The following RAPGEF2 variants were observed in gnomAD, a reference collection of about 807,000 sequenced individuals.
The protein encoded by RAPGEF2 is PDZ domain containing guanine nucleotide exchange factor (GEF) 1.
In RAPGEF2, 54 loss-of-function variants were observed where a neutral mutation model predicts 186.7. The observed-to-expected ratio is 0.29, with a 90% CI of 0.23 to 0.36. The LOEUF is 0.36. RAPGEF2 is among the 10% of genes least tolerant of loss of function. RAPGEF2 has a pLI of 1.00. For synonymous variants in RAPGEF2, 712 were observed against 705.9 expected, an observed-to-expected ratio of 1.01 and a Z score of -0.14; for missense variants, 1,532 against 2,045.0, an observed-to-expected ratio of 0.75 and a Z score of 4.84.
Position 159,358,253 on chromosome 4 carries a change from C to T in RAPGEF2, c.*114C>T, listed in dbSNP as rs567497249. 10 of 1,000,414 alleles carry T rather than the reference C, an allele frequency of 1.0e-5. No individual in the cohort carries two copies. The South Asian group carries it at 1.6e-4, about 16-fold the overall frequency. 62.0% of individuals were successfully genotyped at this position (1,000,414 alleles called of 1,614,324 possible). The stretch of plus-strand genomic sequence containing the variant: ...CTGAGGACGGTGGACCAGTTTGCCT[C>T]CTTCCCTGCCTTAAAAGCAGCATGG... On this transcript the variant is annotated 3_prime_UTR_variant, in exon 30 of 30. Coordinates refer to ENST00000691494, the MANE Select transcript of RAPGEF2 (RefSeq NM_001394067.2).
intron 26 of RAPGEF2, chr4:159,351,092 C>G: frequency 6.5e-7 from 1 of 1,534,506 alleles, no homozygotes; most frequent in South Asian, 1.2e-5. Context: ...TCTTTTGGCT[C>G]CGGGCAGTTG....
At chr4:159,357,436 C>A (rs922079164) in intron 29 of RAPGEF2, among the ~76,000 whole-genome samples, 1 of 152,180 alleles carries the variant, frequency 6.6e-6, no homozygotes, top group Non-Finnish European at 1.5e-5. Flanking sequence ...ACTCTTTGTG[C>A]GTTCTTTCTA....
chr4:159,268,285 T>G, intron 7 of RAPGEF2: 1 of 1,301,884 alleles, frequency 7.7e-7, no homozygotes, highest in East Asian at 2.3e-5. Context: ...TGGGAATTGT[T>G]GCTCTTTCTC....
At chr4:159,268,335 C>G in intron 7 of RAPGEF2, 1 of 775,556 alleles carries the variant, frequency 1.3e-6, no homozygotes, top group Non-Finnish European at 2.1e-6. Context: ...TAGTAGTCTG[C>G]TTGGAGAGGA....
chr4:159,290,754 C>CA (rs571399743), intron 7 of RAPGEF2, among the ~76,000 whole-genome samples: 3,236 of 127,016 alleles, frequency 0.025, 42 homozygotes, highest in South Asian at 0.044. Flanking sequence ...CTAAGGTTTA[C>CA]AAAAAAAAAA....
intron 1 of RAPGEF2, among the ~76,000 whole-genome samples, chr4:159,149,989 A>C (rs754337755): frequency 1.2e-4 from 18 of 146,326 alleles, no homozygotes; most frequent in Non-Finnish European, 2.7e-4. Flanking sequence ...CCTGTAATCT[A>C]AGTTGTTTTA....
At chr4:159,154,013 G>T (rs979536740) in intron 1 of RAPGEF2, among the ~76,000 whole-genome samples, 1 of 152,136 alleles carries the variant, frequency 6.6e-6, no homozygotes, top group South Asian at 2.1e-4. Flanking sequence ...AAACTGAGTG[G>T]TTAGATACGG....
At chr4:159,217,045 T>C (rs542064295) in intron 4 of RAPGEF2, among the ~76,000 whole-genome samples, 2 of 152,184 alleles carry the variant, frequency 1.3e-5, no homozygotes, top group East Asian at 3.9e-4. Flanking sequence ...AGTTAAGTGA[T>C]TGCTCTGAGA....
In RAPGEF2 at chr4:159,356,173, A is replaced by G; in HGVS notation, c.4957+15A>G. The G allele has an allele frequency of 6.2e-7, 1 of 1,604,698 alleles. No homozygotes were observed. Among genetic ancestry groups the G allele is most frequent in the Non-Finnish European group, 8.5e-7 (1 of 1,173,004 alleles). On this transcript the variant is annotated intron_variant, in intron 29 of 29. Transcript: ENST00000691494. The stretch of plus-strand genomic sequence containing the variant: ...CGAGGAGGATGGTATATGCACATAA[A>G]TATTCCTAAAACCTCCAAGTTAGAT...
intron 7 of RAPGEF2, chr4:159,268,299 A>G (rs1757681967): frequency 3.4e-6 from 4 of 1,185,776 alleles, no homozygotes; most frequent in Non-Finnish European, 3.8e-6. Context: ...CTTTCTCTTC[A>G]GGGAAAACAG....
intron 4 of RAPGEF2, among the ~76,000 whole-genome samples, chr4:159,226,342 C>T (rs1752030372): frequency 6.6e-6 from 1 of 152,136 alleles, no homozygotes; most frequent in African/African-American, 2.4e-5. Context: ...TGGAATCTGT[C>T]TTGTGTTCCT....
chr4:159,157,178 A>G (rs1297701172), intron 1 of RAPGEF2, among the ~76,000 whole-genome samples: 1 of 152,204 alleles, frequency 6.6e-6, no homozygotes, highest in Admixed American at 6.5e-5. Flanking sequence ...TTCATGACCT[A>G]TAAATGTCAA....
chr4:159,323,541 A>G lies in RAPGEF2; in HGVS notation c.1073A>G (p.Asn358Ser), dbSNP rs1272250511. 1 of 1,613,372 alleles carries G rather than the reference A, an allele frequency of 6.2e-7. No homozygotes were observed. Among genetic ancestry groups the G allele is most frequent in the Non-Finnish European group, 8.5e-7 (1 of 1,179,578 alleles). Residue 358 changes from asparagine (N) to serine (S), a missense_variant, in exon 11 of 30, where the codon AAT becomes AGT. Physicochemically the swap from Asn to Ser is conservative, Grantham distance 46. This residue lies in a region of RAPGEF2 where 810 missense variants were observed against 1,210.5 expected (regional missense o/e 0.67). Transcript: ENST00000691494. ...AAAGCAGAAATACTGTGCATGGGAAATAGTTTTGGTGTCTCTCCTACCATG... is the reference window on the plus strand; with the variant it reads ...AAAGCAGAAATACTGTGCATGGGAAGTAGTTTTGGTGTCTCTCCTACCATG... ...DGKAEILCMG[N>S]SFGVSPTMDK...
intron 1 of RAPGEF2, among the ~76,000 whole-genome samples, chr4:159,179,449 C>T (rs934480593): frequency 6.6e-6 from 1 of 152,070 alleles, no homozygotes; most frequent in Non-Finnish European, 1.5e-5. Flanking sequence ...AGTGTAACTC[C>T]CTGAAGGCCA....
intron 8 of RAPGEF2, among the ~76,000 whole-genome samples, chr4:159,310,123 A>T (rs1433834705): frequency 6.6e-6 from 1 of 152,182 alleles, no homozygotes; most frequent in African/African-American, 2.4e-5. Flanking sequence ...AGTAGTTGGT[A>T]ACTTACAGAA....
intron 8 of RAPGEF2, 99 bp from the exon 9 acceptor site, chr4:159,314,492 T>A: frequency 1.8e-6 from 2 of 1,097,204 alleles, no homozygotes; most frequent in South Asian, 4.0e-5. Context: ...AAAATAAATA[T>A]AACAAGCATT....
In RAPGEF2 at chr4:159,324,308, G is replaced by A. The variant is rs28405005; in HGVS notation, c.1149+691G>A. Among the ~76,000 whole-genome samples the A allele has an allele frequency of 7.4e-3, 1,120 of 152,198 alleles. 12 individuals carry two copies. Among genetic ancestry groups the A allele is most frequent in the African/African-American group, 0.025 (1,054 of 41,526 alleles). ...CTCCCAAAGTGCTGGGATTACAGGC[G>A]TGAGCCACCATGCCTGGCACCAATA... On this transcript the variant is annotated intron_variant, in intron 11 of 29. Transcript: ENST00000691494.
intron 4 of RAPGEF2, among the ~76,000 whole-genome samples, chr4:159,235,370 C>T (rs572829037): frequency 6.6e-6 from 1 of 152,212 alleles, no homozygotes; most frequent in Admixed American, 6.5e-5. Context: ...AGCTGAGAAC[C>T]TGTTGTTGAG....
chr4:159,194,918 A>T (rs1748476295), intron 3 of RAPGEF2, among the ~76,000 whole-genome samples: 3 of 152,190 alleles, frequency 2.0e-5, no homozygotes, highest in Admixed American at 1.3e-4. Context: ...GGACAAAGAG[A>T]TCAGTAAGGA....
Sources: gnomAD v4.1 joint callset for allele counts (sites outside exome capture counted in the v4.1 genomes callset) on GRCh38, gnomAD v4.1.1 for gene constraint, gnomAD v4.1.1 regional missense constraint, MANE v1.5 for transcripts, NCBI Gene and HGNC (gene_info 2026-07-23, HGNC 2026-07-21) for gene names.